Variants in AGBL4 observed in about 807,000 individuals in gnomAD.
AGBL4 encodes cytosolic carboxypeptidase 6.
Under a neutral mutation model 66.4 loss-of-function variants are expected in AGBL4, and 58 were observed. The ratio of observed to expected loss-of-function variants is 0.87; its 90% CI spans 0.71 to 1.09. AGBL4 has a LOEUF of 1.09. AGBL4 is among the 50% of genes least tolerant of loss of function. AGBL4 has a pLI of 0.00. For synonymous variants in AGBL4, 234 were observed against 222.9 expected (o/e 1.05, Z -0.44); for missense variants, 579 against 631.0 (o/e 0.92, Z 0.88).
At chr1:48,852,645 C>A (rs1647059123) in intron 6 of AGBL4, among the ~76,000 whole-genome samples, 1 of 152,138 alleles carries the variant, frequency 6.6e-6, no homozygotes, top group Non-Finnish European at 1.5e-5. Flanking sequence ...CTTTCACTAC[C>A]AAAACAAGCA....
At chr1:49,754,299 T>C (rs1651714758) in intron 2 of AGBL4, among the ~76,000 whole-genome samples, 1 of 151,766 alleles carries the variant, frequency 6.6e-6, no homozygotes, top group Non-Finnish European at 1.5e-5. Flanking sequence ...TTTTAATGTT[T>C]TTTTTTTATT....
intron 3 of AGBL4, among the ~76,000 whole-genome samples, chr1:49,405,655 G>A (rs564320138): frequency 6.6e-6 from 1 of 152,242 alleles, no homozygotes; most frequent in Non-Finnish European, 1.5e-5. Context: ...TTGATGAGGT[G>A]TACCTTAGAG....
At chr1:49,203,379 T>C (rs1273994102) in intron 4 of AGBL4, among the ~76,000 whole-genome samples, 1 of 152,052 alleles carries the variant, frequency 6.6e-6, no homozygotes, top group African/African-American at 2.4e-5. Flanking sequence ...TAAATATCCA[T>C]GAATAAATGA....
intron 6 of AGBL4, among the ~76,000 whole-genome samples, chr1:48,828,885 C>T (rs1646488665): frequency 6.6e-6 from 1 of 152,124 alleles, no homozygotes; most frequent in African/African-American, 2.4e-5. Context: ...AGATCATTTG[C>T]AAACCTTGGT....
chr1:49,685,348 T>C (rs1035297771), intron 3 of AGBL4, among the ~76,000 whole-genome samples: 7 of 152,196 alleles, frequency 4.6e-5, no homozygotes, highest in Non-Finnish European at 8.8e-5. Flanking sequence ...TTGTGAACAG[T>C]ATTGGAATGA....
chr1:49,730,213 G>T (rs1649333229), intron 2 of AGBL4, among the ~76,000 whole-genome samples: 1 of 152,026 alleles, frequency 6.6e-6, no homozygotes, highest in Admixed American at 6.5e-5. Flanking sequence ...ATTATTTTCT[G>T]CCTTGCTCAT....
chr1:49,088,304 A>T (rs1644943019), intron 4 of AGBL4, among the ~76,000 whole-genome samples: 1 of 152,206 alleles, frequency 6.6e-6, no homozygotes, highest in Non-Finnish European at 1.5e-5. Flanking sequence ...TGCATAACGA[A>T]TGCCCAACCG....
chr1:49,079,626 AG>A (rs1644772861), intron 4 of AGBL4, among the ~76,000 whole-genome samples: 1 of 152,178 alleles, frequency 6.6e-6, no homozygotes, highest in Non-Finnish European at 1.5e-5. Flanking sequence ...AGATTTGGGT[AG>A]GGACACAGAG....
intron 3 of AGBL4, among the ~76,000 whole-genome samples, chr1:49,611,436 G>A (rs1418076520): frequency 6.7e-6 from 1 of 149,652 alleles, no homozygotes; most frequent in African/African-American, 2.5e-5. Context: ...GAGTGCAGTG[G>A]CGCAATCTCA....
intron 3 of AGBL4, among the ~76,000 whole-genome samples, chr1:49,446,873 C>T (rs566584648): frequency 6.6e-6 from 1 of 152,270 alleles, no homozygotes; most frequent in African/African-American, 2.4e-5. Context: ...TGCAAAGTCA[C>T]CCACAGCCTC....
intron 3 of AGBL4, among the ~76,000 whole-genome samples, chr1:49,433,125 T>G (rs1331633195): frequency 6.6e-6 from 1 of 152,152 alleles, no homozygotes; most frequent in Non-Finnish European, 1.5e-5. Context: ...CCTATGCATC[T>G]CTTTTCATCT....
intron 6 of AGBL4, among the ~76,000 whole-genome samples, chr1:48,729,832 T>A (rs571528203): frequency 2.8e-4 from 43 of 151,988 alleles, no homozygotes; most frequent in African/African-American, 1.0e-3. Flanking sequence ...GACCAGTCAC[T>A]TCCTGACTAT....
intron 3 of AGBL4, among the ~76,000 whole-genome samples, chr1:49,567,119 C>T (rs1320150975): frequency 2.6e-5 from 4 of 152,242 alleles, no homozygotes; most frequent in African/African-American, 4.8e-5. Flanking sequence ...GATATAATCT[C>T]CTAGTGTGCC....
intron 1 of AGBL4, among the ~76,000 whole-genome samples, chr1:49,948,101 T>G (rs12737974): frequency 1.2e-5 from 1 of 83,618 alleles, no homozygotes; most frequent in African/African-American, 4.7e-5. Flanking sequence ...TGTATATGTA[T>G]ATATATGTAA....
intron 3 of AGBL4, among the ~76,000 whole-genome samples, chr1:49,252,057 G>A (rs1443885546): frequency 6.6e-6 from 1 of 152,166 alleles, no homozygotes; most frequent in Non-Finnish European, 1.5e-5. Flanking sequence ...ACTGGACTGA[G>A]ATGGCTGAAA....
intron 5 of AGBL4, among the ~76,000 whole-genome samples, chr1:48,909,790 C>T (rs1480933905): frequency 2.0e-5 from 3 of 152,124 alleles, no homozygotes; most frequent in Admixed American, 6.5e-5. Context: ...CACAAGTTTC[C>T]GTCAATTTCT....
intron 1 of AGBL4, among the ~76,000 whole-genome samples, chr1:49,979,232 C>A (rs1018850644): frequency 1.3e-5 from 2 of 151,776 alleles, no homozygotes; most frequent in Admixed American, 6.6e-5. Context: ...GAGGCCGAGG[C>A]GGGTGGATCA....
At position 48,534,006 on chromosome 1, in the gene AGBL4, G is replaced by T; in HGVS notation, c.*167C>A. 2 of 1,167,228 alleles carry T rather than the reference G, an allele frequency of 1.7e-6. No homozygotes were observed. Among genetic ancestry groups the T allele is most frequent in the Non-Finnish European group, 2.4e-6 (2 of 816,582 alleles). 72.3% of individuals were successfully genotyped at this position (1,167,228 alleles called of 1,614,324 possible). A position where few individuals can be genotyped will look rare whatever the true frequency, so the allele number is the denominator to read the frequency against. ...GAAGGCTTACAATTGATTTTCCATTGGAAAAAGGGAAAATCAGTGATGAAG... is the reference window on the plus strand; with the variant it reads ...GAAGGCTTACAATTGATTTTCCATTTGAAAAAGGGAAAATCAGTGATGAAG... On this transcript the variant is annotated 3_prime_UTR_variant, in exon 14 of 14. Coordinates refer to ENST00000371839, the MANE Select transcript of AGBL4 (RefSeq NM_032785.4).
At chr1:49,232,451 C>A (rs1334397332) in intron 4 of AGBL4, among the ~76,000 whole-genome samples, 1 of 152,094 alleles carries the variant, frequency 6.6e-6, no homozygotes, top group Admixed American at 6.5e-5. Context: ...GTAATCCCAG[C>A]ACTTTGGGAG....
Sources: allele counts gnomAD v4.1 joint callset (sites outside exome capture counted in the v4.1 genomes callset), GRCh38; gene constraint gnomAD v4.1.1; transcripts MANE v1.5; gene names NCBI Gene and HGNC (gene_info 2026-07-23, HGNC 2026-07-21).